The following CSMD1 variants were observed in gnomAD, a reference collection of about 807,000 sequenced individuals.
CSMD1 encodes the protein CUB and sushi domain-containing protein 1.
Under a neutral mutation model 417.5 loss-of-function variants are expected in CSMD1, and 213 were observed. That is an observed-to-expected ratio of 0.51 (90% confidence interval 0.46 to 0.57). CSMD1 has a LOEUF of 0.57. Ranked by LOEUF, CSMD1 falls within the 20% of genes least tolerant of loss-of-function variation. The probability of loss-of-function intolerance (pLI) is 0.00; values close to 1 mark genes in which losing one functional copy is unlikely to be tolerated. For synonymous variants in CSMD1, 2,862 were observed against 1,736.8 expected, an observed-to-expected ratio of 1.65 and a Z score of -16.11; for missense variants, 6,923 against 4,529.7, an observed-to-expected ratio of 1.53 and a Z score of -15.17.
At position 4,531,345 on chromosome 8, in the gene CSMD1, A is replaced by G. The variant is rs183669203; in HGVS notation, c.302+105997T>C. ...GGTCATTTAATCATAAGCTTCAAGA[A>G]CAGAGTCTATAATTTGTATCTTGGG... On this transcript the variant is annotated intron_variant, in intron 2 of 69. Coordinates refer to ENST00000635120, the MANE Select transcript of CSMD1 (RefSeq NM_033225.6). Among the ~76,000 whole-genome samples the G allele has an allele frequency of 5.4e-4, 82 of 152,306 alleles. 1 individual carries two copies. The highest frequency in any genetic ancestry group is 1.2e-3 in the South Asian group (6 of 4,828).
intron 5 of CSMD1, among the ~76,000 whole-genome samples, chr8:3,831,520 G>A (rs1046407665): frequency 6.6e-6 from 1 of 150,846 alleles, no homozygotes; most frequent in East Asian, 2.0e-4. Context: ...ATTAATTTTG[G>A]AGAACAGGCT....
chr8:4,172,267 C>T (rs1448988215), intron 3 of CSMD1, among the ~76,000 whole-genome samples: 1 of 152,112 alleles, frequency 6.6e-6, no homozygotes, highest in Non-Finnish European at 1.5e-5. Context: ...TGTCTGGAAT[C>T]CTCTTTGTTT....
At chr8:3,529,919 T>C (rs1432229142) in intron 10 of CSMD1, among the ~76,000 whole-genome samples, 3 of 152,186 alleles carry the variant, frequency 2.0e-5, no homozygotes, top group Non-Finnish European at 4.4e-5. Flanking sequence ...TTTCTAGTCA[T>C]AGAATCAACA....
At chr8:4,388,802 C>T (rs1431244700) in intron 3 of CSMD1, among the ~76,000 whole-genome samples, 2 of 152,162 alleles carry the variant, frequency 1.3e-5, no homozygotes, top group African/African-American at 2.4e-5. Flanking sequence ...CTCCCAGTAC[C>T]TCTGGACCCA....
Position 4,793,953 on chromosome 8 carries a change from C to T in CSMD1, c.86-156395G>A, listed in dbSNP as rs964365153. 5.5e-4 allele frequency among the ~76,000 whole-genome samples: 84 copies of T among 151,998 alleles called. 8 individuals are homozygous for T. Among genetic ancestry groups the T allele is most frequent in the Non-Finnish European group, 1.5e-5 (1 of 68,000 alleles). Reference sequence around the variant, plus strand: ...AGGTTTGTGTGAAAATGAACTGGCACTTCTGTTAGGAATAGTTAACTACAA... The same window carrying T: ...AGGTTTGTGTGAAAATGAACTGGCATTTCTGTTAGGAATAGTTAACTACAA... On this transcript the variant is annotated intron_variant, in intron 1 of 69. Coordinates refer to ENST00000635120, the MANE Select transcript of CSMD1 (RefSeq NM_033225.6).
At chr8:4,355,375 C>T (rs1040255861) in intron 3 of CSMD1, among the ~76,000 whole-genome samples, 2 of 151,776 alleles carry the variant, frequency 1.3e-5, no homozygotes, top group African/African-American at 4.8e-5. Context: ...CAAAACTCTA[C>T]AAAAATGACG....
At chr8:4,721,469 A>T (rs1043698825) in intron 1 of CSMD1, among the ~76,000 whole-genome samples, 16 of 152,222 alleles carry the variant, frequency 1.1e-4, no homozygotes, top group African/African-American at 3.6e-4. Context: ...GAAGATGCTC[A>T]ACATCACTTA....
At chr8:4,215,078 A>G (rs777797102) in intron 3 of CSMD1, among the ~76,000 whole-genome samples, 1 of 152,198 alleles carries the variant, frequency 6.6e-6, no homozygotes. Context: ...CCAACGAAAT[A>G]CAAACAATGC....
chr8:4,425,886 T>C (rs73512745), intron 2 of CSMD1, among the ~76,000 whole-genome samples: 4,943 of 152,192 alleles, frequency 0.032, 285 homozygotes, highest in African/African-American at 0.11. Flanking sequence ...CAACAAAATA[T>C]GACATATGTT....
chr8:4,852,630 G>A (rs1563590321), intron 1 of CSMD1, among the ~76,000 whole-genome samples: 1 of 152,164 alleles, frequency 6.6e-6, no homozygotes, highest in South Asian at 2.1e-4. Flanking sequence ...AAATATGGAA[G>A]TGGCTTTGGA....
intron 26 of CSMD1, among the ~76,000 whole-genome samples, chr8:3,243,167 G>A (rs1420652392): frequency 2.6e-5 from 4 of 152,146 alleles, no homozygotes; most frequent in Admixed American, 6.5e-5. Context: ...GTAAGAGGCC[G>A]CTTACCCGAT....
At chr8:4,626,287 C>A (rs1307478569) in intron 2 of CSMD1, among the ~76,000 whole-genome samples, 2 of 152,016 alleles carry the variant, frequency 1.3e-5, no homozygotes, top group Admixed American at 6.6e-5. Context: ...ATTGAACATA[C>A]AGCCTGTTCA....
chr8:3,330,820 T>C lies in CSMD1; in HGVS notation c.3631+12474A>G, dbSNP rs17080026. ...GAATTTTGTTGCTCTCCCATGGATATAGGAATGAATTATCAGCAGGTAGGA... is the reference window on the plus strand; with the variant it reads ...GAATTTTGTTGCTCTCCCATGGATACAGGAATGAATTATCAGCAGGTAGGA... On this transcript the variant is annotated intron_variant, in intron 23 of 69. Coordinates refer to ENST00000635120, the MANE Select transcript of CSMD1 (RefSeq NM_033225.6). 5.1e-3 allele frequency among the ~76,000 whole-genome samples: 778 copies of C among 152,326 alleles called. 18 individuals are homozygous for C. The East Asian group carries it at 0.065, about 13-fold the overall frequency.
At chr8:3,133,995 T>G (rs1011957463) in intron 41 of CSMD1, among the ~76,000 whole-genome samples, 21 of 152,186 alleles carry the variant, frequency 1.4e-4, no homozygotes, top group African/African-American at 4.1e-4. Flanking sequence ...CTGGCCAATG[T>G]GGTGAAACCC....
intron 5 of CSMD1, among the ~76,000 whole-genome samples, chr8:3,879,535 G>C (rs1018364435): frequency 2.0e-5 from 3 of 152,072 alleles, no homozygotes; most frequent in Admixed American, 6.6e-5. Context: ...CTCCTCCCCC[G>C]CTACAGTCTA....
At position 3,959,208 on chromosome 8, in the gene CSMD1, A is replaced by C. The variant is rs146541464; in HGVS notation, c.818+38695T>G. On this transcript the variant is annotated intron_variant, in intron 5 of 69. Transcript: ENST00000635120. ...TTAAAAACTGACTTAAAAAATTCTTATAGTTTCTAGACAGAGCAGGGTGGG... is the reference window on the plus strand; with the variant it reads ...TTAAAAACTGACTTAAAAAATTCTTCTAGTTTCTAGACAGAGCAGGGTGGG... 8.0e-4 allele frequency among the ~76,000 whole-genome samples: 122 copies of C among 152,344 alleles called. 1 individual carries two copies. In the East Asian group the frequency reaches 0.023, roughly 29 times the overall value.
intron 3 of CSMD1, among the ~76,000 whole-genome samples, chr8:4,040,553 G>C (rs895758189): frequency 4.6e-5 from 7 of 152,306 alleles, no homozygotes; most frequent in East Asian, 1.9e-4. Flanking sequence ...AGTGTGATTA[G>C]ATCTACGGTG....
chr8:4,096,474 G>C (rs1801017110), intron 3 of CSMD1, among the ~76,000 whole-genome samples: 1 of 152,088 alleles, frequency 6.6e-6, no homozygotes. Flanking sequence ...AATCTTTGAG[G>C]CAATCCCCAT....
At chr8:4,051,879 TCTTCCTTC>T (rs71205410) in intron 3 of CSMD1, among the ~76,000 whole-genome samples, 47 of 61,940 alleles carry the variant, frequency 7.6e-4, no homozygotes, top group Middle Eastern at 7.6e-3. Flanking sequence ...CTTCCTCCTT[TCTTCCTTC>T]CTTCCTTCCT....
Sources: allele counts gnomAD v4.1 joint callset (sites outside exome capture counted in the v4.1 genomes callset), GRCh38; gene constraint gnomAD v4.1.1; transcripts MANE v1.5; gene names NCBI Gene and HGNC (gene_info 2026-07-23, HGNC 2026-07-21).